CTNND2: variants seen among roughly 807,000 people sequenced by gnomAD.
CTNND2 encodes catenin delta 2, also known as catenin delta-2.
A neutral mutation model predicts 144.4 loss-of-function variants in CTNND2; 22 were observed. That is an observed-to-expected ratio of 0.15 (90% CI 0.11 to 0.22). The LOEUF (loss-of-function observed/expected upper bound fraction) is 0.22. CTNND2 is among the 10% of genes least tolerant of loss of function. CTNND2 has a pLI of 1.00. For missense variants in CTNND2, 1,353 were observed against 1,618.8 expected, an observed-to-expected ratio of 0.84 and a Z score of 2.82; for synonymous variants, 751 against 695.6, an observed-to-expected ratio of 1.08 and a Z score of -1.25.
At chr5:11,711,384 T>TA (rs1786025078) in intron 2 of CTNND2, among the ~76,000 whole-genome samples, 1 of 152,162 alleles carries the variant, frequency 6.6e-6, no homozygotes, top group South Asian at 2.1e-4. Context: ...AGCATTTTTT[T>TA]ATATATATTT....
rs1051840031 is a variant in CTNND2, at chr5:11,211,782, A to G, written c.1762-12121T>C. Among the ~76,000 whole-genome samples, 11 of 152,372 alleles carry G rather than the reference A, an allele frequency of 7.2e-5. 1 individual carries two copies. Among genetic ancestry groups the G allele is most frequent in the Admixed American group, 3.3e-4 (5 of 15,310 alleles). On this transcript the variant is annotated intron_variant, in intron 10 of 21. Coordinates refer to ENST00000304623, the MANE Select transcript of CTNND2 (RefSeq NM_001332.4). ...AAATATAGAGTTATGCTAAGTATACATGCAGAAATAATAGAGAAATTGTTT... is the reference window on the plus strand; with the variant it reads ...AAATATAGAGTTATGCTAAGTATACGTGCAGAAATAATAGAGAAATTGTTT...
At chr5:11,562,285 C>CT (rs1005663521) in intron 3 of CTNND2, among the ~76,000 whole-genome samples, 2 of 152,026 alleles carry the variant, frequency 1.3e-5, no homozygotes, top group African/African-American at 4.8e-5. Flanking sequence ...AAATAGCCCT[C>CT]TTTTTTTAAA....
chr5:11,294,461 C>T (rs992391630), intron 9 of CTNND2, among the ~76,000 whole-genome samples: 1 of 152,072 alleles, frequency 6.6e-6, no homozygotes, highest in Non-Finnish European at 1.5e-5. Context: ...GCAAGCTCCT[C>T]GCTTTATGGA....
chr5:11,558,837 T>C (rs533453582), intron 3 of CTNND2, among the ~76,000 whole-genome samples: 12 of 152,164 alleles, frequency 7.9e-5, no homozygotes, highest in Admixed American at 3.3e-4. Context: ...ATTTAACATC[T>C]AAGCCTGTTT....
At chr5:11,197,804 C>T (rs1360726671) in intron 11 of CTNND2, among the ~76,000 whole-genome samples, 4 of 152,226 alleles carry the variant, frequency 2.6e-5, no homozygotes, top group Non-Finnish European at 4.4e-5. Context: ...AGCCATCATT[C>T]ATCTCAACCT....
At chr5:11,722,975 C>T (rs1030866923) in intron 2 of CTNND2, among the ~76,000 whole-genome samples, 3 of 152,018 alleles carry the variant, frequency 2.0e-5, no homozygotes, top group African/African-American at 7.2e-5. Context: ...TCATCAAGCA[C>T]AAATATGTGA....
intron 12 of CTNND2, among the ~76,000 whole-genome samples, chr5:11,142,009 C>T (rs1756779909): frequency 6.6e-6 from 1 of 152,146 alleles, no homozygotes; most frequent in African/African-American, 2.4e-5. Context: ...CTGGCTCTCT[C>T]TTGCCCTTCC....
chr5:11,024,472 T>G (rs1215799368), intron 16 of CTNND2, among the ~76,000 whole-genome samples: 1 of 152,230 alleles, frequency 6.6e-6, no homozygotes, highest in Non-Finnish European at 1.5e-5. Context: ...CTCAGCATGC[T>G]GGAGATTCTA....
At chr5:11,675,642 A>G (rs1350819873) in intron 2 of CTNND2, among the ~76,000 whole-genome samples, 1 of 152,098 alleles carries the variant, frequency 6.6e-6, no homozygotes. Flanking sequence ...ATGTAGCAAC[A>G]TTTTTTTGGA....
chr5:11,218,603 A>G (rs1197185241), intron 10 of CTNND2, among the ~76,000 whole-genome samples: 2 of 152,206 alleles, frequency 1.3e-5, no homozygotes, highest in Admixed American at 6.5e-5. Context: ...GGATGACAGT[A>G]CTGTAAGCCC....
At chr5:11,859,443 A>C (rs148729723) in intron 1 of CTNND2, among the ~76,000 whole-genome samples, 1 of 152,348 alleles carries the variant, frequency 6.6e-6, no homozygotes, top group Non-Finnish European at 1.5e-5. Context: ...ATGATTATAA[A>C]ATTATTGTAG....
Position 11,396,567 on chromosome 5 carries a change from GT to G in CTNND2, c.612+463del, listed in dbSNP as rs1385658466. Among the ~76,000 whole-genome samples the G allele has an allele frequency of 2.0e-5, 3 of 152,136 alleles. 1 individual carries two copies. The highest frequency in any genetic ancestry group is 4.4e-5 in the Non-Finnish European group (3 of 68,010). On this transcript the variant is annotated intron_variant, in intron 6 of 21. Transcript: ENST00000304623. ...ACTCATCACAATCATTTTCCAAACA[GT>G]TCTGTTTACCTGATTACACATTTAT...
intron 3 of CTNND2, among the ~76,000 whole-genome samples, chr5:11,499,141 G>A (rs1374545373): frequency 1.3e-5 from 2 of 152,048 alleles, no homozygotes; most frequent in Non-Finnish European, 2.9e-5. Flanking sequence ...AGTTTTGAGG[G>A]AATAAACACC....
intron 2 of CTNND2, among the ~76,000 whole-genome samples, chr5:11,590,927 G>C (rs1425526384): frequency 1.3e-5 from 2 of 152,216 alleles, no homozygotes. Context: ...GTCTCTTATA[G>C]GGACACATTT....
chr5:11,140,776 G>A (rs1756649758), intron 12 of CTNND2, among the ~76,000 whole-genome samples: 1 of 152,044 alleles, frequency 6.6e-6, no homozygotes, highest in Non-Finnish European at 1.5e-5. Context: ...TATAGTATTG[G>A]AGAGAAAATG....
chr5:11,395,420 T>C (rs1341356663), intron 6 of CTNND2, among the ~76,000 whole-genome samples: 1 of 152,256 alleles, frequency 6.6e-6, no homozygotes, highest in Non-Finnish European at 1.5e-5. Context: ...TATTCATACT[T>C]GTGCATCCTA....
intron 1 of CTNND2, among the ~76,000 whole-genome samples, chr5:11,849,821 T>A (rs1794930030): frequency 6.6e-6 from 1 of 152,254 alleles, no homozygotes; most frequent in South Asian, 2.1e-4. Flanking sequence ...AAAGAAAATA[T>A]CTGACCACAG....
At position 11,904,246 on chromosome 5, in the gene CTNND2, C is replaced by G. The variant is rs1046873638; in HGVS notation, c.-393G>C. 4.4e-4 allele frequency among the ~76,000 whole-genome samples: 64 copies of G among 145,746 alleles called. No individual in the cohort carries two copies. The highest frequency in any genetic ancestry group is 1.5e-3 in the African/African-American group (62 of 40,812). On this transcript the variant is annotated 5_prime_UTR_variant, in exon 1 of 22. Transcript: ENST00000304623. This position sits in a 1 kb window ranked among gnomAD's most constrained non-coding sequence, Gnocchi z 4.2. ...CGCGGGCGCGAGCCTGGGGCCGCCGCGGCGCCCGGCGCCGAGCGCTCCCGA... is the reference window on the plus strand; with the variant it reads ...CGCGGGCGCGAGCCTGGGGCCGCCGGGGCGCCCGGCGCCGAGCGCTCCCGA...
chr5:11,385,298 C>A, intron 6 of CTNND2, 69 bp from the exon 7 acceptor site: 1 of 1,018,078 alleles, frequency 9.8e-7, no homozygotes, highest in South Asian at 4.5e-5. Flanking sequence ...CCGGCCCAGC[C>A]CGGCCCCGAG....
Sources: allele counts gnomAD v4.1 joint callset (sites outside exome capture counted in the v4.1 genomes callset), GRCh38; gene constraint gnomAD v4.1.1; non-coding constraint Gnocchi (gnomAD v3.1); transcripts MANE v1.5; gene names NCBI Gene and HGNC (gene_info 2026-07-23, HGNC 2026-07-21).